DHRSX: variants seen among roughly 807,000 people sequenced by gnomAD.
DHRSX encodes the protein dehydrogenase/reductase X-linked.
In DHRSX, 31 loss-of-function variants were observed where a neutral mutation model predicts 34.0. That is an observed-to-expected ratio of 0.91 (90% CI 0.69 to 1.23). The LOEUF is 1.23. DHRSX is among the 50% of genes most tolerant of loss of function. The pLI is 0.00. For missense variants in DHRSX, 414 were observed against 428.1 expected, an observed-to-expected ratio of 0.97 and a Z score of 0.29; for synonymous variants, 201 against 183.8, an observed-to-expected ratio of 1.09 and a Z score of -0.76.
rs375313815 is a variant in DHRSX at position 2,242,305 on chromosome X, C to A, written c.804+718G>T. 6.0e-4 allele frequency among the ~76,000 whole-genome samples: 92 copies of A among 152,154 alleles called. 4 individuals are homozygous for A. Among genetic ancestry groups the A allele is most frequent in the East Asian group, 4.2e-3 (22 of 5,180 alleles). On this transcript the variant is annotated intron_variant, in intron 6 of 6. Coordinates refer to ENST00000334651, the MANE Select transcript of DHRSX (RefSeq NM_145177.3). ...TCCTAAGAAGATTCATTTATGGGCA[C>A]TACCTAGCTACACAGCGTCACCCAC...
intron 1 of DHRSX, among the ~76,000 whole-genome samples, chrX:2,491,692 C>CCGTG (rs1355941753): frequency 6.6e-6 from 1 of 152,198 alleles, no homozygotes. Context: ...ACAGGTGCAT[C>CCGTG]CGTGATCTGT....
intron 1 of DHRSX, chrX:2,489,373 C>A: frequency 1.9e-6 from 3 of 1,613,946 alleles, no homozygotes; most frequent in Non-Finnish European, 2.5e-6. Flanking sequence ...TGGCGATGAC[C>A]TCCTTGGCCA....
At chrX:2,488,875 G>A (rs771686329) in intron 1 of DHRSX, 21 of 1,612,462 alleles carry the variant, frequency 1.3e-5, no homozygotes, top group Admixed American at 1.2e-4. Flanking sequence ...CAGGGGCGAC[G>A]CGCGTGGCCG....
At chrX:2,323,749 A>T (rs2042341431) in intron 3 of DHRSX, among the ~76,000 whole-genome samples, 1 of 152,132 alleles carries the variant, frequency 6.6e-6, no homozygotes, top group Non-Finnish European at 1.5e-5. Context: ...AGCCTGGGTG[A>T]CAGAGTGAGA....
intron 6 of DHRSX, among the ~76,000 whole-genome samples, chrX:2,225,044 T>C (rs1392222940): frequency 7.1e-6 from 1 of 140,052 alleles, no homozygotes; most frequent in Non-Finnish European, 1.5e-5. Flanking sequence ...CATTCACACA[T>C]GCATTCACAT....
At chrX:2,496,248 G>C (rs1221058542) in intron 1 of DHRSX, among the ~76,000 whole-genome samples, 3 of 152,048 alleles carry the variant, frequency 2.0e-5, no homozygotes, top group African/African-American at 7.3e-5. Flanking sequence ...GCCCAGGCTT[G>C]AGTGCAGTGG....
intron 3 of DHRSX, among the ~76,000 whole-genome samples, chrX:2,382,828 C>A (rs1422869522): frequency 2.1e-5 from 3 of 145,268 alleles, no homozygotes; most frequent in Non-Finnish European, 4.5e-5. Flanking sequence ...ACCATCATCA[C>A]CATCATCATC....
intron 1 of DHRSX, among the ~76,000 whole-genome samples, chrX:2,468,538 G>A (rs1338919024): frequency 6.6e-6 from 1 of 151,954 alleles, no homozygotes; most frequent in African/African-American, 2.4e-5. Flanking sequence ...TGTATGCACT[G>A]AAGAGGTTCC....
intron 1 of DHRSX, among the ~76,000 whole-genome samples, chrX:2,474,343 A>G (rs1015276071): frequency 6.6e-6 from 1 of 152,122 alleles, no homozygotes; most frequent in Non-Finnish European, 1.5e-5. Context: ...TACACACTGA[A>G]GATGTTCCCT....
At position 2,465,687 on chromosome X, in the gene DHRSX, C is replaced by A. The variant is rs2044481980; in HGVS notation, c.109+35130G>T. On this transcript the variant is annotated intron_variant, in intron 1 of 6. Transcript: ENST00000334651. ...ATCAGGGTGTAGGGGCAGGCACTTA[C>A]AATCCCAGCTACTCCAGAGGCTGAG... is the stretch of plus-strand genomic sequence containing the variant. Among the ~76,000 whole-genome samples the A allele has an allele frequency of 2.6e-5, 4 of 151,168 alleles. No homozygotes were observed. The South Asian group carries it at 8.4e-4, about 32-fold the overall frequency.
intron 1 of DHRSX, among the ~76,000 whole-genome samples, chrX:2,459,207 T>C (rs1486950932): frequency 3.3e-5 from 5 of 152,056 alleles, no homozygotes; most frequent in African/African-American, 7.2e-5. Flanking sequence ...AGTTCTATCA[T>C]ACCACACAGT....
intron 1 of DHRSX, among the ~76,000 whole-genome samples, chrX:2,462,184 CAAAAAAA>C (rs11358005): frequency 8.4e-6 from 1 of 119,288 alleles, no homozygotes; most frequent in Non-Finnish European, 1.8e-5. Flanking sequence ...ATTAGTGCCT[CAAAAAAA>C]AAAAAAAAGA....
intron 2 of DHRSX, among the ~76,000 whole-genome samples, chrX:2,415,147 ACAACTAGATCTCATCATGACCTAATC>A: frequency 6.6e-6 from 1 of 150,560 alleles, no homozygotes; most frequent in East Asian, 2.0e-4. Flanking sequence ...ATATCCTACC[ACAACTAGATCTCATCATGACCTAATC>A]CAACTAGATC....
Position 2,340,659 on chromosome X carries a change from C to T in DHRSX, c.287-49056G>A, listed in dbSNP as rs866031820. 1.4e-4 allele frequency among the ~76,000 whole-genome samples: 21 copies of T among 152,056 alleles called. 1 individual carries two copies. The highest frequency in any genetic ancestry group is 4.8e-4 in the African/African-American group (20 of 41,430). On this transcript the variant is annotated intron_variant, in intron 3 of 6. Transcript: ENST00000334651. ...CCCGCCAGACACCCGCCATTGAGAA[C>T]AAATAATAAAAGCCACAGTCTTCAC...
intron 3 of DHRSX, among the ~76,000 whole-genome samples, chrX:2,399,051 T>C (rs777883085): frequency 1.3e-5 from 2 of 152,126 alleles, no homozygotes; most frequent in Admixed American, 6.5e-5. Context: ...AGACGGGGTT[T>C]CACTGTGTTA....
intron 3 of DHRSX, among the ~76,000 whole-genome samples, chrX:2,403,150 T>C (rs1401975597): frequency 6.6e-6 from 1 of 152,160 alleles, no homozygotes; most frequent in Non-Finnish European, 1.5e-5. Context: ...TCCAAAGTGC[T>C]GGGATTCAGG....
intron 1 of DHRSX, among the ~76,000 whole-genome samples, chrX:2,461,465 G>C (rs1290875057): frequency 6.6e-6 from 1 of 152,200 alleles, no homozygotes; most frequent in Admixed American, 6.5e-5. Flanking sequence ...CAACCTACTA[G>C]CTCACGTAAA....
At chrX:2,324,635 C>G (rs1471424576) in intron 3 of DHRSX, among the ~76,000 whole-genome samples, 2 of 152,092 alleles carry the variant, frequency 1.3e-5, no homozygotes, top group Non-Finnish European at 2.9e-5. Context: ...ACATCTAATA[C>G]AGTCATGATA....
At chrX:2,462,096 G>A (rs748668553) in intron 1 of DHRSX, among the ~76,000 whole-genome samples, 1 of 150,998 alleles carries the variant, frequency 6.6e-6, no homozygotes, top group South Asian at 2.1e-4. Context: ...AACTTCATAT[G>A]TATTACCTAA....
Sources: allele counts gnomAD v4.1 joint callset (sites outside exome capture counted in the v4.1 genomes callset), GRCh38; gene constraint gnomAD v4.1.1; transcripts MANE v1.5; gene names NCBI Gene and HGNC (gene_info 2026-07-23, HGNC 2026-07-21).